Variants in EFHD1 observed in about 807,000 individuals in gnomAD.
EFHD1 encodes EF-hand domain-containing protein D1.
A neutral mutation model predicts 17.2 loss-of-function variants in EFHD1; 10 were observed. The observed-to-expected ratio is 0.58, with a 90% CI of 0.36 to 0.99. The LOEUF (loss-of-function observed/expected upper bound fraction) is 0.99, where lower values mean the gene tolerates loss of function less well. EFHD1 is among the 50% of genes least tolerant of loss of function. The pLI is 0.01. For synonymous variants in EFHD1, 153 were observed against 142.0 expected, an observed-to-expected ratio of 1.08 and a Z score of -0.55; for missense variants, 310 against 327.5, an observed-to-expected ratio of 0.95 and a Z score of 0.41.
At chr2:232,607,819 C>A (rs114474924) in intron 1 of EFHD1, among the ~76,000 whole-genome samples, 1 of 151,102 alleles carries the variant, frequency 6.6e-6, no homozygotes, top group Non-Finnish European at 1.5e-5. Context: ...TAGGGCCAGG[C>A]GTGGTGGCTC....
chr2:232,657,914 T>G (rs1451997919), intron 1 of EFHD1, among the ~76,000 whole-genome samples: 1 of 140,806 alleles, frequency 7.1e-6, no homozygotes, highest in East Asian at 2.0e-4. Context: ...TTTTTTTTTT[T>G]TTTTGAGACT....
At chr2:232,644,335 G>GT (rs1694486974) in intron 1 of EFHD1, among the ~76,000 whole-genome samples, 1 of 151,984 alleles carries the variant, frequency 6.6e-6, no homozygotes, top group Non-Finnish European at 1.5e-5. Context: ...CTCTTAGAAG[G>GT]GGCTCCAGCT....
chr2:232,638,428 G>T, intron 1 of EFHD1: 1 of 471,180 alleles, frequency 2.1e-6, no homozygotes, highest in Non-Finnish European at 4.4e-6. Context: ...TGATGTCATG[G>T]ATGTCCTGCC....
At chr2:232,631,708 A>C (rs867350442), upstream of EFHD1, among the ~76,000 whole-genome samples, 5,276 of 136,280 alleles carry the variant, frequency 0.039, 144 homozygotes, top group South Asian at 0.081. Flanking sequence ...AAAAAAAAAC[A>C]AAAACAAAAC....
Position 232,633,959 on chromosome 2 carries a change from G to T in EFHD1, c.255G>T (p.Pro85=), listed in dbSNP as rs2276557. The T allele has an allele frequency of 0.21, 340,283 of 1,597,406 alleles. 42,308 individuals carry two copies. Among genetic ancestry groups the T allele is most frequent in the East Asian group, 0.66 (29,497 of 44,606 alleles). Residue 85 remains proline (P), a synonymous_variant, in exon 1 of 4, where the codon CCG becomes CCT. Coordinates refer to ENST00000264059, the MANE Select transcript of EFHD1 (RefSeq NM_025202.4). ...TCTTCAACCCCTACACGGAGTTCCC[G>T]GAGTTCAGCCGCCGCCTCATCAAGG... is the stretch of plus-strand genomic sequence containing the variant. The part of the protein sequence containing the change: ...CRVFNPYTEF[P]EFSRRLIKDL...
intron 2 of EFHD1, among the ~76,000 whole-genome samples, chr2:232,668,136 T>C (rs778321242): frequency 5.3e-5 from 8 of 152,212 alleles, no homozygotes; most frequent in Non-Finnish European, 1.2e-4. Context: ...AGTTTCCAAT[T>C]CTTCTACCAC....
chr2:232,676,004 C>T (rs1377973479), intron 3 of EFHD1, among the ~76,000 whole-genome samples: 1 of 152,028 alleles, frequency 6.6e-6, no homozygotes, highest in Admixed American at 6.6e-5. Context: ...GGTGAAACCC[C>T]ATCTCTACTA....
chr2:232,670,869 A>G (rs1418011619), intron 2 of EFHD1, among the ~76,000 whole-genome samples: 1 of 152,244 alleles, frequency 6.6e-6, no homozygotes, highest in African/African-American at 2.4e-5. Flanking sequence ...GCAAATGGTA[A>G]GAAAGGCAAA....
chr2:232,621,534 C>T (rs1021381426), intron 1 of EFHD1, among the ~76,000 whole-genome samples: 1 of 152,146 alleles, frequency 6.6e-6, no homozygotes, highest in Admixed American at 6.6e-5. Flanking sequence ...CTCACTGCAA[C>T]CTCCACCTCC....
chr2:232,675,923 C>T (rs954963117), intron 3 of EFHD1, among the ~76,000 whole-genome samples: 6 of 152,152 alleles, frequency 3.9e-5, no homozygotes, highest in Non-Finnish European at 5.9e-5. Context: ...CATCTGTAAT[C>T]GCAGCACTTT....
At chr2:232,676,940 C>T (rs889692671) in intron 3 of EFHD1, among the ~76,000 whole-genome samples, 3 of 151,962 alleles carry the variant, frequency 2.0e-5, no homozygotes, top group Admixed American at 2.0e-4. Context: ...TTCAAGGTTG[C>T]AGTGAGCTAT....
chr2:232,613,977 C>T (rs111064518), intron 1 of EFHD1, among the ~76,000 whole-genome samples: 96,899 of 151,452 alleles, frequency 0.64, 31,058 homozygotes, highest in East Asian at 0.68. Flanking sequence ...CACGTGAATA[C>T]ACACACACAT....
chr2:232,678,646 G>A (rs1306009350), intron 3 of EFHD1, among the ~76,000 whole-genome samples: 3 of 152,140 alleles, frequency 2.0e-5, no homozygotes, highest in Admixed American at 2.0e-4. Context: ...AGCTGGGCGT[G>A]TTGCCGCATA....
At chr2:232,670,550 TC>T (rs776707840) in intron 2 of EFHD1, among the ~76,000 whole-genome samples, 5 of 152,062 alleles carry the variant, frequency 3.3e-5, no homozygotes, top group Non-Finnish European at 7.4e-5. Context: ...GGTGGATTAT[TC>T]AACAAATGAT....
chr2:232,621,438 A>G (rs1009037690), intron 1 of EFHD1, among the ~76,000 whole-genome samples: 5 of 123,286 alleles, frequency 4.1e-5, no homozygotes, highest in African/African-American at 1.6e-4. Flanking sequence ...TGTGATTGGT[A>G]TTCTTTCGTT....
chr2:232,664,569 G>A (rs986907016), intron 2 of EFHD1, among the ~76,000 whole-genome samples: 3 of 149,604 alleles, frequency 2.0e-5, no homozygotes, highest in African/African-American at 7.4e-5. Context: ...AAAGTGTTGG[G>A]ATTACAGTGT....
At chr2:232,662,758 C>T (rs896219639) in intron 1 of EFHD1, 44 bp from the exon 2 acceptor site, 14 of 1,551,628 alleles carry the variant, frequency 9.0e-6, no homozygotes, top group South Asian at 5.0e-5. Flanking sequence ...CGGAGACTAA[C>T]GAGTGTCCTT....
In EFHD1 at chr2:232,618,917, G is replaced by A. The variant is rs141503585; in HGVS notation, c.14+12744G>A. Among the ~76,000 whole-genome samples the A allele has an allele frequency of 4.8e-4, 73 of 152,130 alleles. 2 individuals are homozygous for A. The East Asian group carries it at 0.014, about 30-fold the overall frequency. Reference sequence around the variant, plus strand: ...CCTGTACTTTGGGAGGCCAAGGTGGGTGGATCACCTGAGGTCAGAAGTTTG... The same window carrying A: ...CCTGTACTTTGGGAGGCCAAGGTGGATGGATCACCTGAGGTCAGAAGTTTG... On this transcript the variant is annotated intron_variant, in intron 1 of 3. Coordinates refer to the EFHD1 transcript ENST00000409613.
intron 1 of EFHD1, among the ~76,000 whole-genome samples, chr2:232,648,226 GTGTT>G (rs1288833213): frequency 6.6e-6 from 1 of 152,176 alleles, no homozygotes; most frequent in Non-Finnish European, 1.5e-5. Context: ...AATAAGCCGA[GTGTT>G]TGGGGCACAA....
Sources: gnomAD v4.1 joint callset for allele counts (sites outside exome capture counted in the v4.1 genomes callset) on GRCh38, gnomAD v4.1.1 for gene constraint, MANE v1.5 for transcripts, NCBI Gene and HGNC (gene_info 2026-07-23, HGNC 2026-07-21) for gene names.